MICU1: variants seen among roughly 807,000 people sequenced by gnomAD.
MICU1 encodes calcium uptake protein 1, mitochondrial.
Under a neutral mutation model 56.8 loss-of-function variants are expected in MICU1, and 45 were observed. The observed-to-expected ratio is 0.79, with a 90% CI of 0.62 to 1.02. The LOEUF (loss-of-function observed/expected upper bound fraction) is 1.02. MICU1 is among the 50% of genes least tolerant of loss of function. MICU1 has a pLI of 0.00. For missense variants in MICU1, 504 were observed against 587.1 expected (o/e 0.86, Z 1.46); for synonymous variants, 186 against 195.1 (o/e 0.95, Z 0.39).
chr10:72,516,117 T>A (rs1286239273), intron 5 of MICU1, among the ~76,000 whole-genome samples: 2 of 152,232 alleles, frequency 1.3e-5, no homozygotes, highest in Non-Finnish European at 2.9e-5. Context: ...CCTGACTTTT[T>A]AATGATTGCC....
intron 1 of MICU1, among the ~76,000 whole-genome samples, chr10:72,622,754 A>G (rs944967462): frequency 3.9e-5 from 6 of 152,128 alleles, no homozygotes; most frequent in Admixed American, 3.9e-4. Context: ...TAATGTTTCC[A>G]TTTTCCAAAA....
intron 9 of MICU1, among the ~76,000 whole-genome samples, chr10:72,413,940 C>T (rs1200113794): frequency 6.6e-6 from 1 of 152,174 alleles, no homozygotes; most frequent in Non-Finnish European, 1.5e-5. Flanking sequence ...TACCACTACA[C>T]ACCTATTGGA....
At chr10:72,564,624 C>G (rs944259547) in intron 2 of MICU1, among the ~76,000 whole-genome samples, 30 of 150,986 alleles carry the variant, frequency 2.0e-4, no homozygotes, top group African/African-American at 5.6e-4. Context: ...TTTTCTAGAC[C>G]ACAAAGAGGA....
intron 8 of MICU1, among the ~76,000 whole-genome samples, chr10:72,439,938 AG>A (rs1236096366): frequency 1.4e-4 from 22 of 152,356 alleles, no homozygotes; most frequent in African/African-American, 5.0e-4. Context: ...GCTCATGGAT[AG>A]GAAGAATCAA....
At position 72,517,587 on chromosome 10, in the gene MICU1, A is replaced by G. The variant is rs577786817; in HGVS notation, c.538-9318T>C. Among the ~76,000 whole-genome samples, 422 of 152,270 alleles carry G rather than the reference A, an allele frequency of 2.8e-3. 1 individual carries two copies. The highest frequency in any genetic ancestry group is 9.6e-3 in the African/African-American group (398 of 41,556). ...AGCTAAGCTATGAAGATGCAAACGC[A>G]TAAGAATGATACAATGGACTTTGGC... On this transcript the variant is annotated intron_variant, in intron 5 of 11. Transcript: ENST00000361114.
chr10:72,466,436 C>T (rs564903587), intron 8 of MICU1, among the ~76,000 whole-genome samples: 1 of 152,176 alleles, frequency 6.6e-6, no homozygotes, highest in Non-Finnish European at 1.5e-5. Context: ...GACTACTGTA[C>T]TCTTTAACAA....
At chr10:72,464,774 A>G (rs952898316) in intron 8 of MICU1, among the ~76,000 whole-genome samples, 1 of 152,220 alleles carries the variant, frequency 6.6e-6, no homozygotes, top group African/African-American at 2.4e-5. Context: ...CAGAAATGAT[A>G]GCAAACTTGA....
intron 1 of MICU1, among the ~76,000 whole-genome samples, chr10:72,602,625 GAT>G (rs1841570524): frequency 6.6e-6 from 1 of 152,180 alleles, no homozygotes; most frequent in African/African-American, 2.4e-5. Flanking sequence ...CAAAGACTGA[GAT>G]TGACTCTAAG....
chr10:72,464,145 A>C (rs1865717847), intron 8 of MICU1, among the ~76,000 whole-genome samples: 1 of 152,042 alleles, frequency 6.6e-6, no homozygotes, highest in African/African-American at 2.4e-5. Context: ...AAAATACAAA[A>C]ATTAGCCAAG....
At chr10:72,430,390 G>A (rs1415930190) in intron 8 of MICU1, among the ~76,000 whole-genome samples, 1 of 151,816 alleles carries the variant, frequency 6.6e-6, no homozygotes, top group Non-Finnish European at 1.5e-5. Flanking sequence ...ATAAATTATG[G>A]GATCTTTAAA....
intron 1 of MICU1, among the ~76,000 whole-genome samples, chr10:72,589,887 A>T (rs188212479): frequency 3.5e-4 from 53 of 152,314 alleles, no homozygotes; most frequent in Non-Finnish European, 6.9e-4. Flanking sequence ...CACAATTTAA[A>T]AGACTAATGC....
chr10:72,503,554 A>G (rs1276663949), intron 6 of MICU1, among the ~76,000 whole-genome samples: 1 of 152,166 alleles, frequency 6.6e-6, no homozygotes, highest in Non-Finnish European at 1.5e-5. Context: ...CAAAATATCA[A>G]CAGTGCTAAG....
chr10:72,445,970 T>C (rs1280657770), intron 8 of MICU1, among the ~76,000 whole-genome samples: 1 of 152,180 alleles, frequency 6.6e-6, no homozygotes, highest in African/African-American at 2.4e-5. Context: ...TCTTCACATT[T>C]TAGTATCTCT....
chr10:72,424,483 C>CT (rs1004976038), intron 8 of MICU1, among the ~76,000 whole-genome samples: 38 of 148,480 alleles, frequency 2.6e-4, no homozygotes, highest in Admixed American at 1.1e-3. Context: ...TTTTTAATTA[C>CT]TTTTTTTTTT....
rs34955776 is a variant in MICU1 at position 72,435,385 on chromosome 10, C to CAA, written c.934-12016_934-12015dup. Among the ~76,000 whole-genome samples, 107 of 48,062 alleles carry CAA rather than the reference C, an allele frequency of 2.2e-3. 5 individuals carry two copies. The highest frequency in any genetic ancestry group is 3.0e-3 in the African/African-American group (50 of 16,408). 31.5% of individuals were successfully genotyped at this position (48,062 alleles called of 152,430 possible). ...CCTGGGCCAGAGTGAGACCCTGTTA[C>CAA]AAAAAAAAAAAAAAAAAAAAAAAAA... On this transcript the variant is annotated intron_variant, in intron 8 of 11. Coordinates refer to ENST00000361114, the MANE Select transcript of MICU1 (RefSeq NM_001195518.2).
chr10:72,382,007 T>C (rs867523420), intron 10 of MICU1, among the ~76,000 whole-genome samples: 214 of 85,694 alleles, frequency 2.5e-3, no homozygotes, highest in African/African-American at 5.5e-3. Context: ...CACACACACA[T>C]TAAGATGGAG....
At position 72,456,946 on chromosome 10, in the gene MICU1, G is replaced by GGTGTGT. The variant is rs71018292; in HGVS notation, c.933+18148_933+18153dup. On this transcript the variant is annotated intron_variant, in intron 8 of 11. Transcript: ENST00000361114. ...AAACGAGATCTCACTATATTGCCCA[G>GGTGTGT]GTGTGTGTGTGTGTGTGTGTGTGTG... Among the ~76,000 whole-genome samples the GGTGTGT allele has an allele frequency of 4.9e-3, 572 of 117,778 alleles. 6 individuals are homozygous for GGTGTGT. Among genetic ancestry groups the GGTGTGT allele is most frequent in the East Asian group, 0.022 (74 of 3,422 alleles). 77.3% of individuals were successfully genotyped at this position (117,778 alleles called of 152,430 possible).
chr10:72,475,879 C>T (rs768347708), intron 7 of MICU1: 2 of 456,516 alleles, frequency 4.4e-6, no homozygotes, highest in South Asian at 3.1e-5. Flanking sequence ...TAATTGGGAT[C>T]CTCTTAGAAA....
At chr10:72,410,400 T>C (rs1055953372) in intron 9 of MICU1, among the ~76,000 whole-genome samples, 2 of 152,194 alleles carry the variant, frequency 1.3e-5, no homozygotes, top group African/African-American at 4.8e-5. Flanking sequence ...GCAGATCACC[T>C]GAGGTCAAGA....
Sources: allele counts gnomAD v4.1 joint callset (sites outside exome capture counted in the v4.1 genomes callset), GRCh38; gene constraint gnomAD v4.1.1; transcripts MANE v1.5; gene names NCBI Gene and HGNC (gene_info 2026-07-23, HGNC 2026-07-21).